The following CDH20 variants were observed in gnomAD, a reference collection of about 807,000 sequenced individuals.
The protein encoded by CDH20 is cadherin 20.
Under a neutral mutation model 74.2 loss-of-function variants are expected in CDH20, and 29 were observed. That is an observed-to-expected ratio of 0.39 (90% CI 0.29 to 0.53). The LOEUF is 0.53. Among genes scored for constraint, CDH20 ranks in the 20% least tolerant of loss-of-function variants. The pLI is 0.69. For missense variants in CDH20, 988 were observed against 1,048.3 expected, an observed-to-expected ratio of 0.94 and a Z score of 0.79; for synonymous variants, 469 against 405.4, an observed-to-expected ratio of 1.16 and a Z score of -1.88.
At chr18:61,393,507 A>G (rs151239201) in intron 1 of CDH20, among the ~76,000 whole-genome samples, 153 of 152,318 alleles carry the variant, frequency 1.0e-3, no homozygotes, top group African/African-American at 3.5e-3. Context: ...AGAAGACTGC[A>G]GTGGTTCAAG....
intron 1 of CDH20, among the ~76,000 whole-genome samples, chr18:61,374,294 G>A (rs1911140250): frequency 6.6e-6 from 1 of 152,032 alleles, no homozygotes. Flanking sequence ...TACCATCATA[G>A]GGGCTTCTCC....
chr18:61,450,270 T>C (rs1909337404), intron 1 of CDH20, among the ~76,000 whole-genome samples: 1 of 151,284 alleles, frequency 6.6e-6, no homozygotes, highest in Non-Finnish European at 1.5e-5. Context: ...GTAAATAGCA[T>C]GGAAGAGAAC....
chr18:61,398,523 T>C (rs762783079), intron 1 of CDH20, among the ~76,000 whole-genome samples: 1 of 152,172 alleles, frequency 6.6e-6, no homozygotes. Flanking sequence ...GATCAGCATA[T>C]TGACATCTTA....
chr18:61,479,833 C>G (rs879813085), intron 1 of CDH20, among the ~76,000 whole-genome samples: 8 of 152,124 alleles, frequency 5.3e-5, no homozygotes, highest in Non-Finnish European at 1.0e-4. Flanking sequence ...TGGGCCTTCT[C>G]CCTGCCAGTC....
chr18:61,473,106 T>A (rs1490805040), intron 1 of CDH20, among the ~76,000 whole-genome samples: 1 of 152,246 alleles, frequency 6.6e-6, no homozygotes, highest in African/African-American at 2.4e-5. Flanking sequence ...GGGCATACTT[T>A]ATTATGAACA....
At chr18:61,528,929 T>C (rs1002093130) in intron 7 of CDH20, among the ~76,000 whole-genome samples, 2 of 152,232 alleles carry the variant, frequency 1.3e-5, no homozygotes, top group Admixed American at 1.3e-4. Context: ...TTCAATGCCT[T>C]GTAGACTGGC....
chr18:61,345,826 A>G (rs1910099245), intron 1 of CDH20, among the ~76,000 whole-genome samples: 1 of 152,204 alleles, frequency 6.6e-6, no homozygotes, highest in African/African-American at 2.4e-5. Flanking sequence ...CGAGCCACCC[A>G]GAATGTAAGA....
At chr18:61,544,497 T>C (rs1224709558) in intron 9 of CDH20, among the ~76,000 whole-genome samples, 1 of 152,192 alleles carries the variant, frequency 6.6e-6, no homozygotes, top group East Asian at 1.9e-4. Flanking sequence ...TGAAGGTGGT[T>C]CTTAGTTAAA....
At chr18:61,533,001 C>T (rs979548156) in intron 7 of CDH20, among the ~76,000 whole-genome samples, 1 of 152,176 alleles carries the variant, frequency 6.6e-6, no homozygotes, top group African/African-American at 2.4e-5. Flanking sequence ...GTGACTTCAG[C>T]TAGTTGCAGT....
chr18:61,341,108 A>T (rs2144090869), intron 1 of CDH20, among the ~76,000 whole-genome samples: 1 of 152,176 alleles, frequency 6.6e-6, no homozygotes, highest in South Asian at 2.1e-4. Flanking sequence ...CTCCGTACCC[A>T]CCTCCCACAC....
chr18:61,406,130 A>T (rs1030294502), intron 1 of CDH20, among the ~76,000 whole-genome samples: 1 of 149,498 alleles, frequency 6.7e-6, no homozygotes, highest in Non-Finnish European at 1.5e-5. Flanking sequence ...GAGTGGGTTT[A>T]AAAAAAAAAT....
At position 61,490,745 on chromosome 18, in the gene CDH20, C is replaced by T. The variant is rs780787802; in HGVS notation, c.192C>T (p.Asn64=). 1.9e-6 allele frequency: 3 copies of T among 1,614,048 alleles called. No individual in the cohort carries two copies. Among genetic ancestry groups the T allele is most frequent in the Admixed American group, 1.7e-5 (1 of 60,000 alleles). ...GGACCAAGAGGAGCTGGGTTTGGAA[C>T]CAGTTTTTCGTTCTGGAAGAGTACA... ...HQRTKRSWVW[N]QFFVLEEYTG... Residue 64 remains asparagine, a synonymous_variant, in exon 2 of 12, where the codon AAC becomes AAT. Coordinates refer to ENST00000262717, the MANE Select transcript of CDH20 (RefSeq NM_031891.4).
At chr18:61,340,927 T>TA (rs796964519) in intron 1 of CDH20, among the ~76,000 whole-genome samples, 2 of 152,340 alleles carry the variant, frequency 1.3e-5, no homozygotes, top group African/African-American at 4.8e-5. Context: ...TGTTGAGCAC[T>TA]AAAATAAGAG....
chr18:61,345,529 A>G (rs1336180668), intron 1 of CDH20, among the ~76,000 whole-genome samples: 1 of 152,162 alleles, frequency 6.6e-6, no homozygotes, highest in East Asian at 1.9e-4. Context: ...ACCCCTTACC[A>G]TAACATTTGC....
intron 1 of CDH20, among the ~76,000 whole-genome samples, chr18:61,435,775 G>T (rs1041707226): frequency 6.6e-6 from 1 of 151,390 alleles, no homozygotes; most frequent in Non-Finnish European, 1.5e-5. Flanking sequence ...TGTTGAGATA[G>T]ATTTCAAACA....
intron 1 of CDH20, among the ~76,000 whole-genome samples, chr18:61,361,253 A>G (rs1271565261): frequency 1.3e-5 from 2 of 152,210 alleles, no homozygotes; most frequent in African/African-American, 2.4e-5. Context: ...ACTCAAGGAC[A>G]TCCATTATAC....
At chr18:61,438,502 G>A (rs1317680958) in intron 1 of CDH20, among the ~76,000 whole-genome samples, 1 of 152,094 alleles carries the variant, frequency 6.6e-6, no homozygotes, top group African/African-American at 2.4e-5. Context: ...AATATTTACA[G>A]TACTTACATT....
At chr18:61,383,997 G>A (rs928047810) in intron 1 of CDH20, among the ~76,000 whole-genome samples, 2 of 152,140 alleles carry the variant, frequency 1.3e-5, no homozygotes, top group Admixed American at 6.5e-5. Context: ...ACACAAGTGT[G>A]TCACAGACAC....
intron 1 of CDH20, among the ~76,000 whole-genome samples, chr18:61,480,575 G>T (rs1910555799): frequency 6.6e-6 from 1 of 152,172 alleles, no homozygotes; most frequent in African/African-American, 2.4e-5. Context: ...TTTTTCAAAG[G>T]AGGGACTCAT....
Sources: gnomAD v4.1 joint callset for allele counts (sites outside exome capture counted in the v4.1 genomes callset) on GRCh38, gnomAD v4.1.1 for gene constraint, MANE v1.5 for transcripts, NCBI Gene and HGNC (gene_info 2026-07-23, HGNC 2026-07-21) for gene names.